The following OR51B5 variants were observed in gnomAD, a reference collection of about 807,000 sequenced individuals.
The protein encoded by OR51B5 is olfactory receptor family 51 subfamily B member 5, also known as olfactory receptor 51B5.
For missense variants in OR51B5, 456 were observed against 374.6 expected, an observed-to-expected ratio of 1.22 and a Z score of -1.79; for synonymous variants, 186 against 144.8, an observed-to-expected ratio of 1.28 and a Z score of -2.04.
intron 1 of OR51B5, among the ~76,000 whole-genome samples, chr11:5,368,435 T>C (rs1013692756): frequency 2.0e-5 from 3 of 150,586 alleles, no homozygotes; most frequent in African/African-American, 7.4e-5. Flanking sequence ...TAGTGCCTGG[T>C]CCATTGTAAG....
At chr11:5,457,035 C>G (rs759999399) in intron 1 of OR51B5, among the ~76,000 whole-genome samples, 4 of 152,138 alleles carry the variant, frequency 2.6e-5, no homozygotes, top group Admixed American at 2.6e-4. Context: ...TCATGCTTCC[C>G]GTAAGCCTGC....
chr11:5,424,961 G>A (rs1287086970), intron 1 of OR51B5, among the ~76,000 whole-genome samples: 5 of 85,826 alleles, frequency 5.8e-5, no homozygotes, highest in Admixed American at 2.7e-4. Flanking sequence ...CAGCCTGGGC[G>A]ACAGAGTGAG....
intron 1 of OR51B5, chr11:5,441,038 G>C (rs369918976): frequency 1.2e-5 from 19 of 1,613,834 alleles, no homozygotes; most frequent in Non-Finnish European, 1.5e-5. Context: ...AAGGGAAAGG[G>C]AAGAGAGTGG....
At chr11:5,473,943 T>G (rs1851267712) in intron 1 of OR51B5, among the ~76,000 whole-genome samples, 1 of 151,326 alleles carries the variant, frequency 6.6e-6, no homozygotes, top group African/African-American at 2.4e-5. Context: ...TACTAGGAAA[T>G]GAGAAAAATA....
intron 1 of OR51B5, among the ~76,000 whole-genome samples, chr11:5,448,189 T>G (rs1850796981): frequency 6.6e-6 from 1 of 152,184 alleles, no homozygotes. Context: ...TTTTTCTCAA[T>G]TAAAAGAGCT....
At chr11:5,433,568 T>TATGGTC (rs1263030272) in intron 1 of OR51B5, among the ~76,000 whole-genome samples, 1 of 152,170 alleles carries the variant, frequency 6.6e-6, no homozygotes, top group Non-Finnish European at 1.5e-5. Context: ...GGAATAAATG[T>TATGGTC]ATGGTCAGGA....
chr11:5,488,053 A>G (rs992190857), intron 1 of OR51B5, among the ~76,000 whole-genome samples: 2 of 152,200 alleles, frequency 1.3e-5, no homozygotes, highest in Non-Finnish European at 2.9e-5. Context: ...AATTTAAAAC[A>G]TCAATGCCAT....
chr11:5,398,341 G>A (rs1369396257), intron 1 of OR51B5, among the ~76,000 whole-genome samples: 1 of 152,182 alleles, frequency 6.6e-6, no homozygotes, highest in Admixed American at 6.5e-5. Context: ...TATTGAGAGA[G>A]GCTAATGTAA....
chr11:5,392,927 G>C (rs11037207), intron 1 of OR51B5: 2 of 48,126 alleles, frequency 4.2e-5, no homozygotes, highest in Admixed American at 1.9e-4. Flanking sequence ...CAAAAAAAAA[G>C]AAAAATAAAT....
intron 1 of OR51B5, among the ~76,000 whole-genome samples, chr11:5,366,392 A>G (rs910554536): frequency 6.6e-6 from 1 of 152,156 alleles, no homozygotes; most frequent in Non-Finnish European, 1.5e-5. Context: ...GGATCACCTG[A>G]GGGCAAGAGT....
At chr11:5,387,112 G>A (rs1315334617) in intron 1 of OR51B5, among the ~76,000 whole-genome samples, 1 of 151,936 alleles carries the variant, frequency 6.6e-6, no homozygotes, top group African/African-American at 2.4e-5. Flanking sequence ...GAGAAGTTAA[G>A]GTGTTCAAGG....
chr11:5,437,102 G>A (rs933253051), intron 1 of OR51B5, among the ~76,000 whole-genome samples: 3 of 152,124 alleles, frequency 2.0e-5, no homozygotes, highest in African/African-American at 7.2e-5. Flanking sequence ...AAGCAAACAA[G>A]AAACTACTTC....
chr11:5,477,126 T>A (rs924258174), intron 1 of OR51B5, among the ~76,000 whole-genome samples: 47 of 152,212 alleles, frequency 3.1e-4, no homozygotes, highest in Non-Finnish European at 1.0e-4. Context: ...GTTTATGATA[T>A]GGATTGTAGT....
intron 1 of OR51B5, among the ~76,000 whole-genome samples, chr11:5,494,261 T>C (rs577977479): frequency 6.6e-6 from 1 of 152,242 alleles, no homozygotes; most frequent in Non-Finnish European, 1.5e-5. Context: ...CGTTTGCATG[T>C]CTCATGGTTC....
At chr11:5,448,262 T>C (rs1307671392) in intron 1 of OR51B5, among the ~76,000 whole-genome samples, 1 of 152,242 alleles carries the variant, frequency 6.6e-6, no homozygotes, top group Non-Finnish European at 1.5e-5. Context: ...CTAGGTTAGA[T>C]TGTGACTGAT....
intron 1 of OR51B5, among the ~76,000 whole-genome samples, chr11:5,400,103 C>T (rs891867956): frequency 6.6e-6 from 1 of 152,124 alleles, no homozygotes; most frequent in African/African-American, 2.4e-5. Flanking sequence ...CATTTTCAGC[C>T]ATAAGATGTT....
intron 1 of OR51B5, among the ~76,000 whole-genome samples, chr11:5,353,627 C>T (rs4492850): frequency 0.13 from 19,098 of 152,168 alleles, 1,332 homozygotes; most frequent in Non-Finnish European, 0.16. Context: ...AGCCAGTATC[C>T]ATGACTCAAA....
At chr11:5,492,703 C>A (rs1008837432) in intron 1 of OR51B5, among the ~76,000 whole-genome samples, 8 of 152,304 alleles carry the variant, frequency 5.3e-5, no homozygotes, top group African/African-American at 1.7e-4. Flanking sequence ...GTGGCACAAT[C>A]TCGACTTACT....
chr11:5,452,792 A>G (rs542725842), intron 1 of OR51B5, among the ~76,000 whole-genome samples: 1 of 152,360 alleles, frequency 6.6e-6, no homozygotes, highest in East Asian at 1.9e-4. Flanking sequence ...GTACCTATAG[A>G]ATATTTAGGG....
Sources: allele counts gnomAD v4.1 joint callset (sites outside exome capture counted in the v4.1 genomes callset), GRCh38; gene constraint gnomAD v4.1.1; transcripts MANE v1.5; gene names NCBI Gene and HGNC (gene_info 2026-07-23, HGNC 2026-07-21).